The following SEMA5A variants were observed in gnomAD, a reference collection of about 807,000 sequenced individuals.
The protein encoded by SEMA5A is semaphorin-5A.
In SEMA5A, 55 loss-of-function variants were observed where a neutral mutation model predicts 135.5. That is an observed-to-expected ratio of 0.41 (90% CI 0.33 to 0.51). The LOEUF (loss-of-function observed/expected upper bound fraction) is 0.51. Among genes scored for constraint, SEMA5A ranks in the 20% least tolerant of loss-of-function variants. The pLI, the probability that SEMA5A is intolerant of heterozygous loss-of-function variation, is 0.37. For missense variants in SEMA5A, 1,290 were observed against 1,419.9 expected, an observed-to-expected ratio of 0.91 and a Z score of 1.47; for synonymous variants, 580 against 546.5, an observed-to-expected ratio of 1.06 and a Z score of -0.85.
At chr5:9,319,912 GC>G (rs1399442196) in intron 4 of SEMA5A, among the ~76,000 whole-genome samples, 1 of 152,120 alleles carries the variant, frequency 6.6e-6, no homozygotes, top group African/African-American at 2.4e-5. Context: ...CAAGGGCATA[GC>G]CTTGAGATGA....
intron 3 of SEMA5A, among the ~76,000 whole-genome samples, chr5:9,340,247 G>A (rs183004668): frequency 6.6e-6 from 1 of 152,234 alleles, no homozygotes; most frequent in Admixed American, 6.5e-5. Flanking sequence ...CCAGGACCAG[G>A]CTCCAGAGTG....
intron 1 of SEMA5A, chr5:9,516,597 G>A (rs1234143945): frequency 6.6e-6 from 1 of 152,184 alleles, no homozygotes; most frequent in Non-Finnish European, 1.5e-5. Context: ...AGACACGACA[G>A]TTTGTGTGGA....
chr5:9,472,472 G>C (rs1759511326), intron 1 of SEMA5A, among the ~76,000 whole-genome samples: 1 of 152,188 alleles, frequency 6.6e-6, no homozygotes, highest in Admixed American at 6.5e-5. Context: ...GTTTTATTGA[G>C]GCTAGAAAGT....
intron 6 of SEMA5A, among the ~76,000 whole-genome samples, chr5:9,235,985 A>G (rs1184139209): frequency 6.6e-6 from 1 of 152,206 alleles, no homozygotes; most frequent in East Asian, 1.9e-4. Context: ...GACACGTCTT[A>G]CATGGCAGCA....
At position 9,318,404 on chromosome 5, in the gene SEMA5A, T is replaced by C; in HGVS notation, c.238A>G (p.Arg80Gly). ...LVVGARNYLF[R>G]LQLEDLSLIQ... ...AGAGACAGATCCTCAAGCTGTAACCTGAAGAGGTAGTTTCTGCAAAATACA... is the reference window on the plus strand; with the variant it reads ...AGAGACAGATCCTCAAGCTGTAACCCGAAGAGGTAGTTTCTGCAAAATACA... Residue 80 changes from arginine (R) to glycine (G), a missense_variant, in exon 5 of 23, where the codon AGG becomes GGG. By Grantham distance (125) the Arg-to-Gly change is moderately radical. Coordinates refer to ENST00000382496, the MANE Select transcript of SEMA5A (RefSeq NM_003966.3). 6.2e-7 allele frequency: 1 copy of C among 1,612,552 alleles called. No individual in the cohort carries two copies. The highest frequency in any genetic ancestry group is 8.5e-7 in the Non-Finnish European group (1 of 1,179,284).
At chr5:9,280,277 C>G (rs1193351689) in intron 5 of SEMA5A, among the ~76,000 whole-genome samples, 1 of 152,166 alleles carries the variant, frequency 6.6e-6, no homozygotes, top group Non-Finnish European at 1.5e-5. Context: ...ATGGACCAAT[C>G]ACTACAAAAA....
intron 16 of SEMA5A, among the ~76,000 whole-genome samples, chr5:9,097,881 T>G (rs1217754379): frequency 6.6e-6 from 1 of 152,032 alleles, no homozygotes; most frequent in East Asian, 1.9e-4. Flanking sequence ...AAAAAGGGAG[T>G]ACTTGGCTGT....
At chr5:9,348,539 C>T (rs1753977247) in intron 3 of SEMA5A, among the ~76,000 whole-genome samples, 1 of 152,120 alleles carries the variant, frequency 6.6e-6, no homozygotes, top group African/African-American at 2.4e-5. Context: ...TTGCCCAGTG[C>T]AGAAGGGTTT....
intron 3 of SEMA5A, among the ~76,000 whole-genome samples, chr5:9,368,525 T>C (rs943991281): frequency 1.1e-4 from 17 of 152,208 alleles, no homozygotes; most frequent in Non-Finnish European, 2.1e-4. Context: ...TTGCAGCAAC[T>C]CAAAAAATCT....
chr5:9,219,547 G>A (rs548166386), intron 8 of SEMA5A, among the ~76,000 whole-genome samples: 1 of 152,168 alleles, frequency 6.6e-6, no homozygotes, highest in Non-Finnish European at 1.5e-5. Flanking sequence ...CAATATGACT[G>A]CTGTCCTTAT....
rs537242124 is a variant in SEMA5A at position 9,136,690 on chromosome 5, G to A, written c.1482-69C>T. The A allele has an allele frequency of 1.7e-5, 22 of 1,258,302 alleles. 1 individual carries two copies. The highest frequency in any genetic ancestry group is 9.6e-5 in the South Asian group (8 of 83,338). 77.9% of individuals were successfully genotyped at this position (1,258,302 alleles called of 1,614,324 possible). On this transcript the variant is annotated intron_variant, in intron 12 of 22. Transcript: ENST00000382496. ...CATGATAAGATACACAAGACAAGGC[G>A]AACCTGTCCCTTGGCAGAGAGGTAT...
chr5:9,498,499 G>T (rs1735413835), intron 1 of SEMA5A: 1 of 152,128 alleles, frequency 6.6e-6, no homozygotes, highest in Admixed American at 6.6e-5. Context: ...ATTTAAGCTT[G>T]TTATCCTTCA....
intron 5 of SEMA5A, among the ~76,000 whole-genome samples, chr5:9,250,015 G>T (rs1051330541): frequency 6.6e-6 from 1 of 152,136 alleles, no homozygotes; most frequent in Non-Finnish European, 1.5e-5. Flanking sequence ...ATGAGTTGAA[G>T]AAAAGCCATG....
intron 1 of SEMA5A, among the ~76,000 whole-genome samples, chr5:9,524,465 T>C (rs1279055449): frequency 2.6e-5 from 4 of 152,170 alleles, no homozygotes; most frequent in Non-Finnish European, 5.9e-5. Context: ...ATGATGCTTC[T>C]ACAAGCCAAG....
intron 13 of SEMA5A, among the ~76,000 whole-genome samples, chr5:9,128,034 T>C (rs1276982150): frequency 1.3e-5 from 2 of 152,224 alleles, no homozygotes; most frequent in African/African-American, 4.8e-5. Context: ...ATTTCCACTT[T>C]TCCAAAGAGG....
At chr5:9,455,011 G>A (rs1758778202) in intron 1 of SEMA5A, among the ~76,000 whole-genome samples, 1 of 152,090 alleles carries the variant, frequency 6.6e-6, no homozygotes, top group African/African-American at 2.4e-5. Context: ...AATCTAAGTT[G>A]GTAGTCTCCA....
intron 12 of SEMA5A, among the ~76,000 whole-genome samples, chr5:9,145,635 A>C (rs956163188): frequency 7.1e-5 from 10 of 140,124 alleles, no homozygotes; most frequent in African/African-American, 2.5e-4. Flanking sequence ...ATATTAAAGA[A>C]GAAAACTTTT....
rs1747988670 is a variant in SEMA5A, at chr5:9,237,780, A to G, written c.333+48T>C. 2.6e-6 allele frequency: 4 copies of G among 1,534,394 alleles called. No homozygotes were observed. In the African/African-American group the frequency reaches 4.1e-5, roughly 16 times the overall value. On this transcript the variant is annotated intron_variant, in intron 6 of 22. Coordinates refer to ENST00000382496, the MANE Select transcript of SEMA5A (RefSeq NM_003966.3). Reference sequence around the variant, plus strand: ...TATCAACATGCTTTATATAGTGTAGAGTCCTTCAAGACAGGGTGATGGCTG... The same window carrying G: ...TATCAACATGCTTTATATAGTGTAGGGTCCTTCAAGACAGGGTGATGGCTG...
At chr5:9,457,900 CTTTT>C (rs70943966) in intron 1 of SEMA5A, among the ~76,000 whole-genome samples, 3 of 70,182 alleles carry the variant, frequency 4.3e-5, no homozygotes, top group African/African-American at 6.1e-5. Context: ...AGCATCTCTC[CTTTT>C]TTTTTTTTTT....
Sources: gnomAD v4.1 joint callset for allele counts (sites outside exome capture counted in the v4.1 genomes callset) on GRCh38, gnomAD v4.1.1 for gene constraint, MANE v1.5 for transcripts, NCBI Gene and HGNC (gene_info 2026-07-23, HGNC 2026-07-21) for gene names.